ABTB3: variants seen among roughly 807,000 people sequenced by gnomAD.
ABTB3 encodes ankyrin repeat and BTB domain containing 3, also known as ankyrin repeat- and BTB/POZ domain-containing protein 3.
chr12:107,657,738 G>A, the ABTB3 span: 3 of 1,611,478 alleles, frequency 1.9e-6, no homozygotes, highest in African/African-American at 2.7e-5. Context: ...TGCAGGGAAT[G>A]CTTCCCGGGA....
the ABTB3 span, among the ~76,000 whole-genome samples, chr12:107,521,654 C>T: frequency 6.6e-6 from 1 of 151,778 alleles, no homozygotes; most frequent in African/African-American, 2.4e-5. Flanking sequence ...AAAGCCAAAG[C>T]CCCAGAATTA....
chr12:107,620,709 G>A, the ABTB3 span, among the ~76,000 whole-genome samples: 1 of 152,164 alleles, frequency 6.6e-6, no homozygotes, highest in African/African-American at 2.4e-5. Flanking sequence ...GGTCGAGAGG[G>A]TCAAATGAAC....
the ABTB3 span, among the ~76,000 whole-genome samples, chr12:107,439,260 A>C: frequency 6.6e-6 from 1 of 152,038 alleles, no homozygotes; most frequent in African/African-American, 2.4e-5. Context: ...AAGGTTGGCC[A>C]TTCGGTTTGA....
the ABTB3 span, among the ~76,000 whole-genome samples, chr12:107,395,776 T>C: frequency 2.0e-5 from 3 of 152,130 alleles, no homozygotes; most frequent in Admixed American, 6.5e-5. Flanking sequence ...GCCTCCCTTC[T>C]GCCACGCTCT....
At chr12:107,617,397 A>T in the ABTB3 span, 2 of 1,614,152 alleles carry the variant, frequency 1.2e-6, no homozygotes, top group Non-Finnish European at 1.7e-6. Context: ...CCCCAGGGTG[A>T]TATGAACTCT....
At chr12:107,493,879 T>C in the ABTB3 span, among the ~76,000 whole-genome samples, 1 of 151,968 alleles carries the variant, frequency 6.6e-6, no homozygotes, top group Non-Finnish European at 1.5e-5. Flanking sequence ...CTGGAGCAGA[T>C]TCCTTCTCAC....
chr12:107,384,869 G>C, the ABTB3 span, among the ~76,000 whole-genome samples: 3 of 152,316 alleles, frequency 2.0e-5, no homozygotes, highest in East Asian at 5.8e-4. Context: ...ATTGCTGACT[G>C]AGCAATTTTA....
At chr12:107,527,982 A>G in the ABTB3 span, among the ~76,000 whole-genome samples, 2 of 152,182 alleles carry the variant, frequency 1.3e-5, no homozygotes, top group African/African-American at 4.8e-5. Flanking sequence ...AAAGGGTGAC[A>G]ATACCTCCTC....
chr12:107,654,121 CTTCT>C, the ABTB3 span, among the ~76,000 whole-genome samples: 4 of 152,138 alleles, frequency 2.6e-5, no homozygotes, highest in African/African-American at 9.7e-5. Context: ...GTCAGAATTT[CTTCT>C]TTAAGACTGA....
At chr12:107,651,886 G>A in the ABTB3 span, 1 of 994,734 alleles carries the variant, frequency 1.0e-6, no homozygotes, top group Non-Finnish European at 1.5e-6. Context: ...AGTGGGTGCT[G>A]GGCCAGTTCT....
At chr12:107,418,260 T>C in the ABTB3 span, among the ~76,000 whole-genome samples, 1 of 152,206 alleles carries the variant, frequency 6.6e-6, no homozygotes, top group Non-Finnish European at 1.5e-5. Flanking sequence ...CCTCCCATGC[T>C]GGATGCTTCC....
At chr12:107,543,338 CAAAAAAA>C in the ABTB3 span, among the ~76,000 whole-genome samples, 23 of 78,072 alleles carry the variant, frequency 2.9e-4, no homozygotes, top group Middle Eastern at 9.1e-3. Flanking sequence ...GACTCCATCT[CAAAAAAA>C]AAAAAAAAAA....
At chr12:107,446,624 C>G in the ABTB3 span, among the ~76,000 whole-genome samples, 1 of 152,168 alleles carries the variant, frequency 6.6e-6, no homozygotes, top group African/African-American at 2.4e-5. Flanking sequence ...CTGGGGTCAG[C>G]AGAGCTTCAG....
the ABTB3 span, among the ~76,000 whole-genome samples, chr12:107,622,874 G>A: frequency 1.2e-4 from 19 of 152,198 alleles, no homozygotes; most frequent in Middle Eastern, 3.4e-3. Flanking sequence ...AGGCATATTC[G>A]TCCCACCATT....
the ABTB3 span, among the ~76,000 whole-genome samples, chr12:107,562,211 A>G: frequency 6.6e-6 from 1 of 152,210 alleles, no homozygotes; most frequent in Non-Finnish European, 1.5e-5. Context: ...CTTACATTCT[A>G]CCAAAGGAGA....
At chr12:107,319,569 CCTT>C in the ABTB3 span, 1 of 1,542,354 alleles carries the variant, frequency 6.5e-7, no homozygotes. Flanking sequence ...TGCGGCCTCA[CCTT>C]CTCCGTGGGC....
chr12:107,657,606 A>T, the ABTB3 span: 3 of 1,614,236 alleles, frequency 1.9e-6, no homozygotes, highest in Non-Finnish European at 1.7e-6. Context: ...CAGCTCCTGT[A>T]TGACAAAAAT....
chr12:107,343,190 T>C, the ABTB3 span, among the ~76,000 whole-genome samples: 21 of 151,910 alleles, frequency 1.4e-4, no homozygotes, highest in Admixed American at 7.9e-4. Context: ...GTTTTTTTGG[T>C]TTTTTATAGA....
At chr12:107,390,222 T>C in the ABTB3 span, among the ~76,000 whole-genome samples, 1 of 152,228 alleles carries the variant, frequency 6.6e-6, no homozygotes, top group African/African-American at 2.4e-5. Flanking sequence ...TTTTAAAAAG[T>C]ACCTACTGTG....
Sources: gnomAD v4.1 joint callset for allele counts (sites outside exome capture counted in the v4.1 genomes callset) on GRCh38, gnomAD v4.1.1 for gene constraint, MANE v1.5 for transcripts, NCBI Gene and HGNC (gene_info 2026-07-23, HGNC 2026-07-21) for gene names.